The following CNNM3 variants were observed in gnomAD, a reference collection of about 807,000 sequenced individuals.
The protein encoded by CNNM3 is metal transporter CNNM3.
A neutral mutation model predicts 57.1 loss-of-function variants in CNNM3; 47 were observed. The observed-to-expected ratio is 0.82, with a 90% CI of 0.65 to 1.05. The LOEUF (loss-of-function observed/expected upper bound fraction) is 1.05, where lower values mean the gene tolerates loss of function less well. CNNM3 is among the 50% of genes least tolerant of loss of function. The pLI is 0.00. For missense variants in CNNM3, 957 were observed against 973.7 expected (o/e 0.98, Z 0.23); for synonymous variants, 507 against 478.2 (o/e 1.06, Z -0.79).
At chr2:96,825,526 G>GTC (rs770102377) in intron 2 of CNNM3, among the ~76,000 whole-genome samples, 130 of 152,266 alleles carry the variant, frequency 8.5e-4, no homozygotes, top group Non-Finnish European at 1.6e-3. Context: ...CCAGTCTTCT[G>GTC]TCTCCCTAGG....
intron 1 of CNNM3, 101 bp downstream of exon 1, chr2:96,817,603 G>T: frequency 8.8e-7 from 1 of 1,141,196 alleles, no homozygotes; most frequent in Non-Finnish European, 1.3e-6. Flanking sequence ...TCCCACCCCT[G>T]TGGAGAGCAG....
chr2:96,828,252 C>T (rs1452468940), intron 5 of CNNM3, 57 bp downstream of exon 5: 2 of 1,399,886 alleles, frequency 1.4e-6, no homozygotes, highest in African/African-American at 1.4e-5. Context: ...GAGCCTGTCC[C>T]CCATCATCAC....
rs1024761477 is a variant in CNNM3, at chr2:96,816,297, C to T, written c.20C>T (p.Ala7Val). 79 of 1,290,606 alleles carry T rather than the reference C, an allele frequency of 6.1e-5. No individual in the cohort carries two copies. The highest frequency in any genetic ancestry group is 7.1e-5 in the Non-Finnish European group (72 of 1,020,892). The allele number at this position is 1,290,606 out of a possible 1,614,324, so 79.9% of individuals were successfully genotyped here. Residue 7 changes from alanine to valine, a missense_variant, in exon 1 of 8, where the codon GCG becomes GTG. Physicochemically the swap from Ala to Val is moderately conservative, Grantham distance 64 (BLOSUM62 0). This residue lies in a region of CNNM3 where 466 missense variants were observed against 403.1 expected (regional missense o/e 1.16). Transcript: ENST00000305510. Reference sequence around the variant, plus strand: ...CAGGCGATGGCGGCGGCGGTAGCTGCGGCGGGTCGGTTAGGCTGGTTGTTC... The same window carrying T: ...CAGGCGATGGCGGCGGCGGTAGCTGTGGCGGGTCGGTTAGGCTGGTTGTTC... MAAAVA[A>V]AGRLGWLFAA...
chr2:96,831,265 G>A (rs757240467), intron 7 of CNNM3, among the ~76,000 whole-genome samples: 1 of 152,212 alleles, frequency 6.6e-6, no homozygotes, highest in Non-Finnish European at 1.5e-5. Context: ...AACTCGGGTT[G>A]TCCTGCATTT....
intron 1 of CNNM3, among the ~76,000 whole-genome samples, chr2:96,818,105 TC>T (rs1369608936): frequency 1.3e-5 from 2 of 152,192 alleles, no homozygotes; most frequent in African/African-American, 4.8e-5. Context: ...TGACTTAGTC[TC>T]CCTTTCTCCC....
rs2079549131 is a variant in CNNM3 at position 96,828,568 on chromosome 2, T to G, written c.1788T>G (p.Val596=). ...CATCACTGATTGTTCCTTTGATAGT[T>G]CACCAGTCCCCGGTGTCCTCGCTCC... ...GVSALTVPSS[V]HQSPVSSLQP... The change falls in exon 6 of 8, where the codon GTT becomes GTG. Residue 596 remains valine, a splice_region_variant and synonymous_variant. Transcript: ENST00000305510. The G allele has an allele frequency of 1.9e-6, 3 of 1,614,152 alleles. No individual in the cohort carries two copies. The highest frequency in any genetic ancestry group is 2.5e-6 in the Non-Finnish European group (3 of 1,180,032).
intron 6 of CNNM3, 27 bp downstream of exon 6, chr2:96,828,727 C>T (rs1195471645): frequency 6.2e-7 from 1 of 1,613,190 alleles, no homozygotes; most frequent in African/African-American, 1.3e-5. Context: ...CTTGTGGGTG[C>T]TGGCTTTAGC....
Position 96,817,270 on chromosome 2 carries a change from C to T in CNNM3, c.993C>T (p.Thr331=), listed in dbSNP as rs772643290. The part of the protein sequence containing the change: ...LEDCFMLDAS[T]VLDFGVLASI... ...ACTGCTTCATGCTGGACGCCAGCACCGTGCTGGACTTCGGCGTCCTGGCCA... is the reference window on the plus strand; with the variant it reads ...ACTGCTTCATGCTGGACGCCAGCACTGTGCTGGACTTCGGCGTCCTGGCCA... Residue 331 remains threonine (T), a synonymous_variant, in exon 1 of 8, where the codon ACC becomes ACT. Coordinates refer to ENST00000305510, the MANE Select transcript of CNNM3 (RefSeq NM_017623.5). 3.1e-6 allele frequency: 5 copies of T among 1,612,616 alleles called. No individual in the cohort carries two copies. In the South Asian group the frequency reaches 3.3e-5, roughly 11 times the overall value.
Position 96,823,576 on chromosome 2 carries a change from C to T in CNNM3, c.1226-1482C>T, listed in dbSNP as rs945250948. ...GCCTTCCTCCCGGAAAGCGGGGAGA[C>T]GATTCATGTGGCCATTTCCAGCTTT... On this transcript the variant is annotated intron_variant, in intron 1 of 7. Coordinates refer to ENST00000305510, the MANE Select transcript of CNNM3 (RefSeq NM_017623.5). Among the ~76,000 whole-genome samples the T allele has an allele frequency of 6.6e-5, 10 of 152,296 alleles. No individual in the cohort carries two copies. In the South Asian group the frequency reaches 1.2e-3, roughly 19 times the overall value.
Position 96,817,175 on chromosome 2 carries a change from C to T in CNNM3, c.898C>T (p.Pro300Ser), listed in dbSNP as rs1263189335. ...VLELARGGGD[P>S]YSDLSKGVLR... ...GGAGCTGGCGCGCGGCGGCGGCGAC[C>T]CCTACAGCGATCTCAGCAAGGGCGT... Residue 300 changes from proline to serine, a missense_variant, in exon 1 of 8, where the codon CCC becomes TCC. Coordinates refer to ENST00000305510, the MANE Select transcript of CNNM3 (RefSeq NM_017623.5). 6.5e-7 allele frequency: 1 copy of T among 1,540,404 alleles called. No homozygotes were observed. Among genetic ancestry groups the T allele is most frequent in the Non-Finnish European group, 8.7e-7 (1 of 1,150,472 alleles).
intron 2 of CNNM3, 117 bp downstream of exon 2, chr2:96,825,318 C>T: frequency 2.3e-6 from 3 of 1,300,740 alleles, no homozygotes; most frequent in African/African-American, 1.5e-5. Context: ...GATCCACAGC[C>T]AGGCCCCCTT....
intron 1 of CNNM3, among the ~76,000 whole-genome samples, chr2:96,819,077 C>T (rs4907251): frequency 0.22 from 33,038 of 152,050 alleles, 5,242 homozygotes; most frequent in South Asian, 0.67. Context: ...TGCTGTAGCT[C>T]AGGAATGGGT....
At chr2:96,832,327 G>A (rs1172410383) in intron 7 of CNNM3, 5 of 985,290 alleles carry the variant, frequency 5.1e-6, no homozygotes, top group South Asian at 4.7e-5. Context: ...TGGGACCCTC[G>A]GGGCCAGAAA....
intron 1 of CNNM3, among the ~76,000 whole-genome samples, chr2:96,821,947 G>A (rs2153354039): frequency 6.6e-6 from 1 of 151,696 alleles, no homozygotes; most frequent in Middle Eastern, 3.4e-3. Context: ...ATTGTAATTT[G>A]AACCATTGTT....
rs556243302 is a variant in CNNM3, at chr2:96,828,482, C to T, written c.1787-85C>T. On this transcript the variant is annotated intron_variant, in intron 5 of 7. Coordinates refer to ENST00000305510, the MANE Select transcript of CNNM3 (RefSeq NM_017623.5). ...CAGAGTGATTGGTGGGGTGGGTCTT[C>T]GAAACTGTACAGTTGTCCCCACCAG... 1.2e-3 allele frequency: 1,852 copies of T among 1,545,490 alleles called. 5 individuals carry two copies. The highest frequency in any genetic ancestry group is 1.4e-3 in the Non-Finnish European group (1,639 of 1,131,376).
Position 96,828,450 on chromosome 2 carries a change from G to T in CNNM3, c.1787-117G>T. 5.4e-6 allele frequency: 7 copies of T among 1,298,766 alleles called. No individual in the cohort carries two copies. The South Asian group carries it at 9.6e-5, about 18-fold the overall frequency. The allele number at this position is 1,298,766 out of a possible 1,614,324, so 80.5% of individuals were successfully genotyped here. Reference sequence around the variant, plus strand: ...TCTCTCCCAGCTTCCCATGCACATTGCCTCTCCAGAGTGATTGGTGGGGTG... The same window carrying T: ...TCTCTCCCAGCTTCCCATGCACATTTCCTCTCCAGAGTGATTGGTGGGGTG... On this transcript the variant is annotated intron_variant, in intron 5 of 7. Coordinates refer to ENST00000305510, the MANE Select transcript of CNNM3 (RefSeq NM_017623.5).
rs1325406358 is a variant in CNNM3, at chr2:96,816,847, G to C, written c.570G>C (p.Trp190Cys). ...GGCGTTTGGAGCCCGCGCGGCGCTG[G>C]GCCGGCTGCGCCTTGGGCGCGCTGC... ...AARRLEPARR[W>C]AGCALGALLL... is the part of the protein sequence containing the mutation. Residue 190 changes from tryptophan (W) to cysteine (C), a missense_variant, in exon 1 of 8, where the codon TGG becomes TGC. By Grantham distance (215) the Trp-to-Cys change is radical. This residue lies in a region of CNNM3 where 466 missense variants were observed against 403.1 expected (regional missense o/e 1.16). Coordinates refer to ENST00000305510, the MANE Select transcript of CNNM3 (RefSeq NM_017623.5). 9.4e-7 allele frequency: 1 copy of C among 1,058,612 alleles called. No homozygotes were observed. The highest frequency in any genetic ancestry group is 7.6e-5 in the East Asian group (1 of 13,154). 65.6% of individuals were successfully genotyped at this position (1,058,612 alleles called of 1,614,324 possible). A position where few individuals can be genotyped will look rare whatever the true frequency, so the allele number is the denominator to read the frequency against.
At position 96,817,508 on chromosome 2, in the gene CNNM3, G is replaced by C. The variant is rs767562544; in HGVS notation, c.1225+6G>C. The C allele has an allele frequency of 1.9e-6, 3 of 1,607,104 alleles. No individual in the cohort carries two copies. Among genetic ancestry groups the C allele is most frequent in the Admixed American group, 3.3e-5 (2 of 59,854 alleles). ...CCTGGAGGAATTCAAGCGAGGTAAC[G>C]GCCCGGGCATGGTGCAGGGGACGCC... On this transcript the variant is annotated splice_donor_region_variant and intron_variant, in intron 1 of 7. Coordinates refer to ENST00000305510, the MANE Select transcript of CNNM3 (RefSeq NM_017623.5).
chr2:96,828,614 C>T lies in CNNM3; in HGVS notation c.1834C>T (p.Gln612Ter), dbSNP rs1475504295. ...GCTCCAGCCCATCCGCCATGACCTG[C>T]AGCCCGACCCAGGTGACGGCACGCA... ...SSLQPIRHDLQPDPGDGTHSS... is the reference protein window; with the variant it reads ...SSLQPIRHDL The change falls in exon 6 of 8, where the codon CAG becomes TAG. Residue 612 changes from glutamine to a stop codon, truncating the protein, a stop_gained. Transcript: ENST00000305510. LOFTEE classifies it high-confidence loss of function. The T allele has an allele frequency of 6.2e-7, 1 of 1,614,212 alleles. No individual in the cohort carries two copies. Among genetic ancestry groups the T allele is most frequent in the East Asian group, 2.2e-5 (1 of 44,876 alleles).
Sources: gnomAD v4.1 joint callset for allele counts (sites outside exome capture counted in the v4.1 genomes callset) on GRCh38, gnomAD v4.1.1 for gene constraint, gnomAD v4.1.1 regional missense constraint, MANE v1.5 for transcripts, NCBI Gene and HGNC (gene_info 2026-07-23, HGNC 2026-07-21) for gene names.